The following NCAPD3 variants were observed in gnomAD, a reference collection of about 807,000 sequenced individuals.
NCAPD3 encodes non-SMC condensin II complex subunit D3.
In NCAPD3, 105 loss-of-function variants were observed where a neutral mutation model predicts 182.9. That is an observed-to-expected ratio of 0.57 (90% CI 0.49 to 0.68). The LOEUF is 0.68. NCAPD3 is among the 30% of genes least tolerant of loss of function. The probability of loss-of-function intolerance (pLI) is 0.00; values close to 1 mark genes in which losing one functional copy is unlikely to be tolerated. For synonymous variants in NCAPD3, 815 were observed against 679.9 expected (o/e 1.20, Z -3.09); for missense variants, 1,944 against 1,837.0 (o/e 1.06, Z -1.07).
chr11:134,183,947 T>C (rs765801308), intron 19 of NCAPD3, among the ~76,000 whole-genome samples: 3 of 152,250 alleles, frequency 2.0e-5, no homozygotes, highest in Non-Finnish European at 4.4e-5. Context: ...ATAGCCATTA[T>C]TAATAACCCC....
intron 16 of NCAPD3, among the ~76,000 whole-genome samples, chr11:134,188,545 G>A (rs930853715): frequency 3.9e-5 from 6 of 152,154 alleles, no homozygotes; most frequent in East Asian, 1.9e-4. Flanking sequence ...AAGGGTCTGC[G>A]GCTTCATTCC....
chr11:134,163,044 G>A (rs1393233616), intron 27 of NCAPD3, among the ~76,000 whole-genome samples: 2 of 152,146 alleles, frequency 1.3e-5, no homozygotes. Context: ...GCTCGCAACT[G>A]AGGTGCAGAT....
At chr11:134,192,546 G>C in intron 16 of NCAPD3, 143 bp downstream of exon 16, 1 of 689,208 alleles carries the variant, frequency 1.5e-6, no homozygotes, top group Non-Finnish European at 2.4e-6. Context: ...AAGTCAGTCA[G>C]GGAAAGAGAG....
chr11:134,150,134 T>C lies in NCAPD3; in HGVS notation c.*2810A>G, dbSNP rs547710220. ...GGAATCCTCTCATGGAAGTTTACTGTGATGTTCCTTTTCTCACACAAGTTT... is the reference window on the plus strand; with the variant it reads ...GGAATCCTCTCATGGAAGTTTACTGCGATGTTCCTTTTCTCACACAAGTTT... On this transcript the variant is annotated 3_prime_UTR_variant, in exon 35 of 35. Transcript: ENST00000534548. The C allele has an allele frequency of 6.5e-6, 1 of 154,210 alleles. No homozygotes were observed. The highest frequency in any genetic ancestry group is 1.9e-4 in the East Asian group (1 of 5,230). 9.6% of individuals were successfully genotyped at this position (154,210 alleles called of 1,614,324 possible).
At chr11:134,158,840 G>C (rs577490556) in intron 29 of NCAPD3, among the ~76,000 whole-genome samples, 3 of 152,050 alleles carry the variant, frequency 2.0e-5, no homozygotes, top group African/African-American at 7.2e-5. Context: ...CCCCTTCCCA[G>C]CCTCTGGTAA....
At chr11:134,167,858 C>T (rs560348518) in intron 27 of NCAPD3, 138 bp downstream of exon 27, 1 of 850,308 alleles carries the variant, frequency 1.2e-6, no homozygotes, top group East Asian at 2.5e-5. Context: ...GGGAGCAGCA[C>T]ACTCGTGAGA....
intron 24 of NCAPD3, among the ~76,000 whole-genome samples, chr11:134,172,273 T>A (rs1202925805): frequency 6.6e-6 from 1 of 152,224 alleles, no homozygotes; most frequent in Non-Finnish European, 1.5e-5. Context: ...CCTAACTTTC[T>A]GCTTTCCTGA....
At chr11:134,161,602 G>A (rs567438130) in intron 28 of NCAPD3, among the ~76,000 whole-genome samples, 179 bp downstream of exon 28, 10 of 152,322 alleles carry the variant, frequency 6.6e-5, no homozygotes, top group East Asian at 3.9e-4. Context: ...GGGAAAGAGC[G>A]GCTTTGGTGG....
intron 27 of NCAPD3, among the ~76,000 whole-genome samples, chr11:134,163,050 C>A (rs1943633093): frequency 6.6e-6 from 1 of 151,956 alleles, no homozygotes. Flanking sequence ...AACTGAGGTG[C>A]AGATGGCAAT....
chr11:134,197,832 C>T (rs1412129135), intron 13 of NCAPD3, among the ~76,000 whole-genome samples: 1 of 152,190 alleles, frequency 6.6e-6, no homozygotes, highest in Non-Finnish European at 1.5e-5. Context: ...CAAATTCCAA[C>T]ACCTTTCCAT....
intron 29 of NCAPD3, 69 bp downstream of exon 29, chr11:134,159,823 C>A: frequency 1.3e-6 from 2 of 1,485,992 alleles, no homozygotes; most frequent in South Asian, 1.3e-5. Context: ...AGGTGCCAGA[C>A]AAACGACAGA....
chr11:134,161,013 T>G (rs915091606), intron 28 of NCAPD3, among the ~76,000 whole-genome samples: 1 of 152,148 alleles, frequency 6.6e-6, no homozygotes, highest in African/African-American at 2.4e-5. Flanking sequence ...GAAGTTTTTA[T>G]TTTTATCATA....
At chr11:134,199,481 C>A (rs1414961185) in intron 13 of NCAPD3, among the ~76,000 whole-genome samples, 1 of 152,148 alleles carries the variant, frequency 6.6e-6, no homozygotes, top group African/African-American at 2.4e-5. Flanking sequence ...AATGTGACAG[C>A]AATGCACATT....
chr11:134,211,126 AT>A (rs1179069166), intron 3 of NCAPD3, among the ~76,000 whole-genome samples: 2 of 152,222 alleles, frequency 1.3e-5, no homozygotes, highest in Non-Finnish European at 2.9e-5. Context: ...GAGTGGAGTG[AT>A]CTTGTTAAAC....
intron 4 of NCAPD3, 119 bp from the exon 5 acceptor site, chr11:134,209,596 A>G: frequency 1.1e-6 from 1 of 940,366 alleles, no homozygotes; most frequent in Non-Finnish European, 1.6e-6. Flanking sequence ...TGTTGAGGTG[A>G]TATGACTTTG....
At chr11:134,223,649 C>G (rs1163776398) in intron 1 of NCAPD3, among the ~76,000 whole-genome samples, 1 of 152,260 alleles carries the variant, frequency 6.6e-6, no homozygotes, top group African/African-American at 2.4e-5. Context: ...CCAACATTCG[C>G]TTATTCTAAG....
chr11:134,183,812 T>C (rs1418680061), intron 19 of NCAPD3, among the ~76,000 whole-genome samples: 4 of 152,220 alleles, frequency 2.6e-5, no homozygotes, highest in African/African-American at 9.6e-5. Flanking sequence ...AAGGGCTTTC[T>C]CTAATGAACT....
chr11:134,223,791 G>A (rs1245558883), intron 1 of NCAPD3, 72 bp downstream of exon 1: 41 of 1,053,154 alleles, frequency 3.9e-5, no homozygotes, highest in Non-Finnish European at 5.0e-5. Flanking sequence ...ACCCCGGCCC[G>A]GGCTTAGGCA....
At position 134,151,323 on chromosome 11, in the gene NCAPD3, A is replaced by T. The variant is rs1369354809; in HGVS notation, c.*1621T>A. ...TGCTCCCTGGTGTCTGCTGCATGGC[A>T]TCCTGGATGCTTAGCATGCAAGTTC... On this transcript the variant is annotated 3_prime_UTR_variant, in exon 35 of 35. Transcript: ENST00000534548. 1 of 152,184 alleles carries T rather than the reference A, an allele frequency of 6.6e-6. No homozygotes were observed. Among genetic ancestry groups the T allele is most frequent in the Non-Finnish European group, 1.5e-5 (1 of 68,044 alleles). The allele number at this position is 152,184 out of a possible 1,614,324, so 9.4% of individuals were successfully genotyped here.
Sources: allele counts gnomAD v4.1 joint callset (sites outside exome capture counted in the v4.1 genomes callset), GRCh38; gene constraint gnomAD v4.1.1; transcripts MANE v1.5; gene names NCBI Gene and HGNC (gene_info 2026-07-23, HGNC 2026-07-21).